PRMT3: variants seen among roughly 807,000 people sequenced by gnomAD.
The protein encoded by PRMT3 is protein arginine N-methyltransferase 3.
A neutral mutation model predicts 71.9 loss-of-function variants in PRMT3; 62 were observed. The observed-to-expected ratio is 0.86, with a 90% CI of 0.70 to 1.07. The LOEUF (loss-of-function observed/expected upper bound fraction) is 1.07, where lower values mean the gene tolerates loss of function less well. PRMT3 is among the 50% of genes least tolerant of loss of function. PRMT3 has a pLI of 0.00. For missense variants in PRMT3, 663 were observed against 643.0 expected, an observed-to-expected ratio of 1.03 and a Z score of -0.34; for synonymous variants, 213 against 220.4, an observed-to-expected ratio of 0.97 and a Z score of 0.30.
At chr11:20,490,188 T>C (rs1851174269) in intron 13 of PRMT3, among the ~76,000 whole-genome samples, 1 of 152,016 alleles carries the variant, frequency 6.6e-6, no homozygotes. Flanking sequence ...ATGCTTCTGC[T>C]TTCTGTTTAA....
chr11:20,397,357 T>A (rs1178860365), intron 6 of PRMT3, among the ~76,000 whole-genome samples: 2 of 152,054 alleles, frequency 1.3e-5, no homozygotes, highest in African/African-American at 4.8e-5. Context: ...GCGGTTGGCA[T>A]TGCTTTTGTG....
In PRMT3 at chr11:20,472,624, G is replaced by A. The variant is rs557941646; in HGVS notation, c.1347+8078G>A. 7.0e-4 allele frequency among the ~76,000 whole-genome samples: 90 copies of A among 128,424 alleles called. 1 individual carries two copies. The highest frequency in any genetic ancestry group is 2.3e-3 in the African/African-American group (90 of 39,360). 84.3% of individuals were successfully genotyped at this position (128,424 alleles called of 152,430 possible). A position where few individuals can be genotyped will look rare whatever the true frequency, so the allele number is the denominator to read the frequency against. Reference sequence around the variant, plus strand: ...TGATGTTCATCAAGGATATTGGCCTGAAGTTTTCTTTTTTTGTTTGTTCAT... The same window carrying A: ...TGATGTTCATCAAGGATATTGGCCTAAAGTTTTCTTTTTTTGTTTGTTCAT... On this transcript the variant is annotated intron_variant, in intron 13 of 15. Coordinates refer to ENST00000331079, the MANE Select transcript of PRMT3 (RefSeq NM_005788.4).
At chr11:20,460,524 A>G (rs1328783390) in intron 11 of PRMT3, among the ~76,000 whole-genome samples, 2 of 152,096 alleles carry the variant, frequency 1.3e-5, no homozygotes, top group Non-Finnish European at 1.5e-5. Context: ...CTTGAATTCT[A>G]GTATTCATTA....
chr11:20,458,356 G>C (rs1850313178), intron 11 of PRMT3, among the ~76,000 whole-genome samples: 1 of 151,952 alleles, frequency 6.6e-6, no homozygotes, highest in South Asian at 2.1e-4. Flanking sequence ...CATTTCTAAG[G>C]GATAAAGGAT....
chr11:20,508,623 C>T lies in PRMT3; in HGVS notation c.*210C>T. The T allele has an allele frequency of 1.5e-6, 1 of 667,988 alleles. No homozygotes were observed. 41.4% of individuals were successfully genotyped at this position (667,988 alleles called of 1,614,324 possible). A position where few individuals can be genotyped will look rare whatever the true frequency, so the allele number is the denominator to read the frequency against. ...TGATCCTCATGGTCTGCCACGTAAT[C>T]ATTTTCTTAGACGTTTGCTCCACCA... is the stretch of plus-strand genomic sequence containing the variant. On this transcript the variant is annotated 3_prime_UTR_variant, in exon 16 of 16. Coordinates refer to ENST00000331079, the MANE Select transcript of PRMT3 (RefSeq NM_005788.4).
chr11:20,508,728 T>G lies in PRMT3; in HGVS notation c.*315T>G, dbSNP rs762987726. 8.3e-5 allele frequency: 30 copies of G among 361,732 alleles called. 1 individual carries two copies. The highest frequency in any genetic ancestry group is 3.1e-4 in the South Asian group (12 of 39,222). 22.4% of individuals were successfully genotyped at this position (361,732 alleles called of 1,614,324 possible). On this transcript the variant is annotated 3_prime_UTR_variant, in exon 16 of 16. Transcript: ENST00000331079. ...CATTGGCCTATATTTGGAAGAGAGATAGTCTTTTGTTTTTAATAAGTTTCT... is the reference window on the plus strand; with the variant it reads ...CATTGGCCTATATTTGGAAGAGAGAGAGTCTTTTGTTTTTAATAAGTTTCT...
intron 13 of PRMT3, among the ~76,000 whole-genome samples, chr11:20,492,071 A>G (rs1275759349): frequency 6.6e-6 from 1 of 152,234 alleles, no homozygotes; most frequent in South Asian, 2.1e-4. Flanking sequence ...TAAGGGGCAT[A>G]GAAGTGAGTT....
At chr11:20,438,331 TG>T (rs1275466748) in intron 10 of PRMT3, among the ~76,000 whole-genome samples, 1 of 72,748 alleles carries the variant, frequency 1.4e-5, no homozygotes, top group East Asian at 2.4e-4. Context: ...TGGTGGGTGT[TG>T]GCTGTATCCC....
intron 13 of PRMT3, among the ~76,000 whole-genome samples, chr11:20,481,474 A>G (rs921009090): frequency 2.0e-5 from 3 of 152,120 alleles, no homozygotes; most frequent in Admixed American, 1.3e-4. Context: ...GGCACTCACT[A>G]TAAGCCATCT....
intron 10 of PRMT3, among the ~76,000 whole-genome samples, chr11:20,439,066 C>G (rs1306135758): frequency 6.6e-6 from 1 of 152,182 alleles, no homozygotes; most frequent in Non-Finnish European, 1.5e-5. Context: ...TGGCTACTCA[C>G]CCCTGAAGCA....
intron 13 of PRMT3, among the ~76,000 whole-genome samples, chr11:20,478,987 G>C (rs1318607815): frequency 1.3e-5 from 2 of 152,170 alleles, no homozygotes; most frequent in Non-Finnish European, 2.9e-5. Flanking sequence ...AAACACATCT[G>C]TGCTGCTTAG....
intron 13 of PRMT3, among the ~76,000 whole-genome samples, chr11:20,484,612 C>T (rs1851026776): frequency 6.6e-6 from 1 of 152,186 alleles, no homozygotes; most frequent in African/African-American, 2.4e-5. Flanking sequence ...ACATGACTTG[C>T]TCCTCTTTGC....
intron 7 of PRMT3, among the ~76,000 whole-genome samples, chr11:20,399,583 T>C (rs1196309571): frequency 6.6e-6 from 1 of 152,212 alleles, no homozygotes; most frequent in Non-Finnish European, 1.5e-5. Context: ...ATGTTTGTCA[T>C]ATTAAATCAC....
intron 15 of PRMT3, among the ~76,000 whole-genome samples, chr11:20,495,318 G>A (rs1170443482): frequency 6.6e-6 from 1 of 151,970 alleles, no homozygotes; most frequent in African/African-American, 2.4e-5. Context: ...ACCCAGCCGA[G>A]GCCAGTTTAA....
chr11:20,413,427 C>T (rs942311562), intron 9 of PRMT3, among the ~76,000 whole-genome samples: 1 of 152,094 alleles, frequency 6.6e-6, no homozygotes, highest in African/African-American at 2.4e-5. Flanking sequence ...CCCCTTTAAG[C>T]CCTGATTTCT....
At chr11:20,412,089 A>AC (rs1298527379) in intron 9 of PRMT3, among the ~76,000 whole-genome samples, 1 of 152,170 alleles carries the variant, frequency 6.6e-6, no homozygotes, top group African/African-American at 2.4e-5. Context: ...AGTACTAATG[A>AC]CCAAGCTTGT....
At chr11:20,478,835 ATC>A (rs548904959) in intron 13 of PRMT3, among the ~76,000 whole-genome samples, 1 of 152,168 alleles carries the variant, frequency 6.6e-6, no homozygotes, top group Non-Finnish European at 1.5e-5. Flanking sequence ...CTTCTGGAAA[ATC>A]TCTGACAGCA....
At chr11:20,443,325 TA>T (rs992973397) in intron 10 of PRMT3, among the ~76,000 whole-genome samples, 3 of 152,206 alleles carry the variant, frequency 2.0e-5, no homozygotes, top group Non-Finnish European at 4.4e-5. Flanking sequence ...GATGAGACTG[TA>T]AATTCACATT....
chr11:20,406,976 A>C (rs76658366), intron 8 of PRMT3: 1 of 152,138 alleles, frequency 6.6e-6, no homozygotes, highest in African/African-American at 2.4e-5. Context: ...TTCAGTTTTT[A>C]TGTTAGAAAC....
Sources: allele counts gnomAD v4.1 joint callset (sites outside exome capture counted in the v4.1 genomes callset), GRCh38; gene constraint gnomAD v4.1.1; transcripts MANE v1.5; gene names NCBI Gene and HGNC (gene_info 2026-07-23, HGNC 2026-07-21).